CADPS: variants seen among roughly 807,000 people sequenced by gnomAD.
CADPS encodes calcium-dependent secretion activator 1.
A neutral mutation model predicts 167.3 loss-of-function variants in CADPS; 57 were observed. The observed-to-expected ratio is 0.34, with a 90% CI of 0.28 to 0.42. The LOEUF (loss-of-function observed/expected upper bound fraction) is 0.42. Ranked by LOEUF, CADPS falls within the 20% of genes least tolerant of loss-of-function variation. The pLI is 1.00. For missense variants in CADPS, 1,414 were observed against 1,738.1 expected, an observed-to-expected ratio of 0.81 and a Z score of 3.32; for synonymous variants, 676 against 635.3, an observed-to-expected ratio of 1.06 and a Z score of -0.96.
At chr3:62,730,757 G>A (rs1173612020) in intron 3 of CADPS, among the ~76,000 whole-genome samples, 1 of 152,202 alleles carries the variant, frequency 6.6e-6, no homozygotes, top group Non-Finnish European at 1.5e-5. Context: ...TTGCCAATGA[G>A]TTGCATACTT....
chr3:62,501,645 T>C (rs2065784990), intron 17 of CADPS, among the ~76,000 whole-genome samples: 1 of 152,228 alleles, frequency 6.6e-6, no homozygotes, highest in African/African-American at 2.4e-5. Flanking sequence ...GAGAGCTTTG[T>C]CCTTTTGGGT....
chr3:62,797,034 A>C (rs1434086885), intron 1 of CADPS, among the ~76,000 whole-genome samples: 1 of 152,146 alleles, frequency 6.6e-6, no homozygotes, highest in Non-Finnish European at 1.5e-5. Flanking sequence ...TTTTTCCTTT[A>C]TTCTAAGAGA....
rs201324385 is a variant in CADPS, at chr3:62,698,731, CTTTTTTTTTTT to C, written c.889-36348_889-36338del. On this transcript the variant is annotated intron_variant, in intron 3 of 29. Coordinates refer to ENST00000383710, the MANE Select transcript of CADPS (RefSeq NM_003716.4). ...TCTCCTTTCCTTTCCTCCCCACTTC[CTTTTTTTTTTT>C]TTTTTTTTTTTTTTTCAGACAGGGT... is the stretch of plus-strand genomic sequence containing the variant. Among the ~76,000 whole-genome samples, 47 of 67,240 alleles carry C rather than the reference CTTTTTTTTTTT, an allele frequency of 7.0e-4. 1 individual carries two copies. Among genetic ancestry groups the C allele is most frequent in the Admixed American group, 4.4e-4 (2 of 4,538 alleles). The allele number at this position is 67,240 out of a possible 152,430, so 44.1% of individuals were successfully genotyped here.
chr3:62,760,808 A>G (rs142144167), intron 2 of CADPS, among the ~76,000 whole-genome samples: 3,229 of 152,378 alleles, frequency 0.021, 54 homozygotes, highest in South Asian at 0.062. Flanking sequence ...AAGTTCAACC[A>G]TAATAACTAA....
intron 1 of CADPS, among the ~76,000 whole-genome samples, chr3:62,855,473 G>A (rs1196038806): frequency 6.6e-6 from 1 of 151,912 alleles, no homozygotes; most frequent in South Asian, 2.1e-4. Flanking sequence ...TTAGCCAAAG[G>A]AATTAGAAGA....
rs187002292 is a variant in CADPS at position 62,764,268 on chromosome 3, G to T, written c.555+1603C>A. ...CAAAACCTTAGTTAAATATATTCAAGTTATTCACTATCATATATCACTGTG... is the reference window on the plus strand; with the variant it reads ...CAAAACCTTAGTTAAATATATTCAATTTATTCACTATCATATATCACTGTG... On this transcript the variant is annotated intron_variant, in intron 2 of 29. Coordinates refer to ENST00000383710, the MANE Select transcript of CADPS (RefSeq NM_003716.4). Among the ~76,000 whole-genome samples the T allele has an allele frequency of 4.6e-3, 701 of 152,164 alleles. 7 individuals carry two copies. The highest frequency in any genetic ancestry group is 0.016 in the African/African-American group (680 of 41,532).
intron 11 of CADPS, among the ~76,000 whole-genome samples, chr3:62,540,585 A>G (rs1411257064): frequency 6.6e-6 from 1 of 152,152 alleles, no homozygotes; most frequent in Non-Finnish European, 1.5e-5. Flanking sequence ...AGAAGGAAAC[A>G]GAATTCTAGG....
intron 8 of CADPS, among the ~76,000 whole-genome samples, chr3:62,572,870 T>A (rs2081542658): frequency 2.0e-5 from 3 of 151,950 alleles, no homozygotes; most frequent in Admixed American, 1.3e-4. Flanking sequence ...CCTAAGCACA[T>A]CCTCACATAT....
At chr3:62,721,241 G>A (rs2075772460) in intron 3 of CADPS, among the ~76,000 whole-genome samples, 1 of 151,802 alleles carries the variant, frequency 6.6e-6, no homozygotes, top group African/African-American at 2.4e-5. Flanking sequence ...TGGGATCTCA[G>A]GATAGTGGGA....
At chr3:62,471,142 G>T (rs2060554077) in intron 24 of CADPS, among the ~76,000 whole-genome samples, 1 of 152,146 alleles carries the variant, frequency 6.6e-6, no homozygotes, top group Non-Finnish European at 1.5e-5. Context: ...TTCAGCAAAT[G>T]ATGACACATC....
At chr3:62,689,217 C>T (rs966751441) in intron 3 of CADPS, among the ~76,000 whole-genome samples, 1 of 151,828 alleles carries the variant, frequency 6.6e-6, no homozygotes, top group Non-Finnish European at 1.5e-5. Flanking sequence ...TTTTTCCATG[C>T]TGTACCTGAG....
intron 26 of CADPS, among the ~76,000 whole-genome samples, chr3:62,454,162 A>G (rs540132909): frequency 6.6e-6 from 1 of 152,348 alleles, no homozygotes; most frequent in East Asian, 1.9e-4. Flanking sequence ...ACCATTTCAG[A>G]TAATGGAAAA....
chr3:62,669,801 C>A (rs2075183383), intron 3 of CADPS, among the ~76,000 whole-genome samples: 1 of 152,200 alleles, frequency 6.6e-6, no homozygotes, highest in Non-Finnish European at 1.5e-5. Context: ...TAGCAAAGTG[C>A]TTGGCATGCA....
intron 1 of CADPS, among the ~76,000 whole-genome samples, chr3:62,778,009 A>G (rs2090729597): frequency 6.6e-6 from 1 of 152,194 alleles, no homozygotes; most frequent in African/African-American, 2.4e-5. Flanking sequence ...AATGCTATTT[A>G]TCATTGGCTC....
At chr3:62,598,231 C>T (rs752792810) in intron 6 of CADPS, among the ~76,000 whole-genome samples, 3 of 152,062 alleles carry the variant, frequency 2.0e-5, no homozygotes, top group Non-Finnish European at 4.4e-5. Context: ...GGTCACATGC[C>T]CCTCAAGCTG....
intron 3 of CADPS, among the ~76,000 whole-genome samples, chr3:62,721,429 G>C (rs1435549794): frequency 6.6e-6 from 1 of 152,092 alleles, no homozygotes; most frequent in East Asian, 1.9e-4. Flanking sequence ...GACAACAGTA[G>C]GAAAGTTGGA....
intron 26 of CADPS, among the ~76,000 whole-genome samples, chr3:62,451,865 A>AT (rs928205902): frequency 5.1e-4 from 77 of 152,096 alleles, no homozygotes; most frequent in Non-Finnish European, 9.7e-4. Flanking sequence ...AGAAATGTAG[A>AT]TTTTTTTGTG....
intron 1 of CADPS, among the ~76,000 whole-genome samples, chr3:62,813,695 T>C (rs1355076290): frequency 6.6e-6 from 1 of 152,078 alleles, no homozygotes; most frequent in East Asian, 1.9e-4. Context: ...AAGGTATTTG[T>C]GAACTACTCA....
intron 2 of CADPS, among the ~76,000 whole-genome samples, chr3:62,764,283 A>G (rs745788470): frequency 6.6e-6 from 1 of 152,198 alleles, no homozygotes; most frequent in Admixed American, 6.5e-5. Context: ...TCACTATCAT[A>G]TATCACTGTG....
Sources: allele counts gnomAD v4.1 joint callset (sites outside exome capture counted in the v4.1 genomes callset), GRCh38; gene constraint gnomAD v4.1.1; transcripts MANE v1.5; gene names NCBI Gene and HGNC (gene_info 2026-07-23, HGNC 2026-07-21).